Variants in RUNX2 observed in about 807,000 individuals in gnomAD.
The protein encoded by RUNX2 is RUNX family transcription factor 2.
RUNX2 carries 10 observed loss-of-function variants against 51.7 expected under a neutral mutation model. The observed-to-expected ratio is 0.19, with a 90% confidence interval of 0.12 to 0.33. The LOEUF (loss-of-function observed/expected upper bound fraction) is 0.33. RUNX2 is among the 10% of genes least tolerant of loss of function. The pLI is 1.00. For synonymous variants in RUNX2, 276 were observed against 273.6 expected (o/e 1.01, Z -0.09); for missense variants, 562 against 691.3 (o/e 0.81, Z 2.10).
intron 7 of RUNX2, among the ~76,000 whole-genome samples, chr6:45,520,966 T>G (rs1801489671): frequency 6.6e-6 from 1 of 152,318 alleles, no homozygotes; most frequent in South Asian, 2.1e-4. Context: ...TCCACCCGCC[T>G]CGGCCTCCCA....
chr6:45,485,716 T>TATATATATATATACAC (rs1554394671), intron 5 of RUNX2, among the ~76,000 whole-genome samples: 15 of 126,516 alleles, frequency 1.2e-4, no homozygotes, highest in East Asian at 4.3e-4. Flanking sequence ...TATATATATA[T>TATATATATATATACAC]ACACATATTT....
At chr6:45,497,019 G>A (rs554140365) in intron 6 of RUNX2, among the ~76,000 whole-genome samples, 114 of 152,258 alleles carry the variant, frequency 7.5e-4, no homozygotes, top group Middle Eastern at 3.4e-3. Context: ...GAAGACTCAG[G>A]GAGGATAAGG....
At chr6:45,360,785 A>G (rs537277033) in intron 2 of RUNX2, among the ~76,000 whole-genome samples, 8 of 152,306 alleles carry the variant, frequency 5.3e-5, no homozygotes, top group African/African-American at 1.7e-4. Flanking sequence ...CACTTAACAG[A>G]CATTCCAGGA....
chr6:45,367,952 T>C (rs987142391), intron 2 of RUNX2, among the ~76,000 whole-genome samples: 1 of 152,200 alleles, frequency 6.6e-6, no homozygotes, highest in Non-Finnish European at 1.5e-5. Context: ...TTGATTTAGA[T>C]AATTAACTTC....
In RUNX2 at chr6:45,452,895, G is replaced by T. The variant is rs1799214693; in HGVS notation, c.685+14844G>T. Among the ~76,000 whole-genome samples the T allele has an allele frequency of 2.0e-5, 3 of 152,278 alleles. No homozygotes were observed. The South Asian group carries it at 6.2e-4, about 32-fold the overall frequency. On this transcript the variant is annotated intron_variant, in intron 5 of 8. Coordinates refer to ENST00000647337, the MANE Select transcript of RUNX2 (RefSeq NM_001024630.4). Reference sequence around the variant, plus strand: ...CCTCCCAAAATAACTTGGGCTCCATGGCTCATTAAGAACATTTAGACCCTT... The same window carrying T: ...CCTCCCAAAATAACTTGGGCTCCATTGCTCATTAAGAACATTTAGACCCTT...
chr6:45,446,488 T>G (rs1424563388), intron 5 of RUNX2, among the ~76,000 whole-genome samples: 1 of 150,092 alleles, frequency 6.7e-6, no homozygotes, highest in African/African-American at 2.5e-5. Flanking sequence ...CCTCCCCCCC[T>G]TTTTTTGTCT....
At chr6:45,429,865 G>A (rs1237940928) in intron 3 of RUNX2, among the ~76,000 whole-genome samples, 11 of 152,012 alleles carry the variant, frequency 7.2e-5, no homozygotes, top group African/African-American at 2.2e-4. Context: ...AGGCTGAGGC[G>A]GGCGGATCAC....
At chr6:45,352,056 C>T (rs1792168560) in intron 2 of RUNX2, among the ~76,000 whole-genome samples, 1 of 152,138 alleles carries the variant, frequency 6.6e-6, no homozygotes. Context: ...GTCTTGCCTG[C>T]TTCCTTAAAA....
At chr6:45,408,917 G>A (rs895917599) in intron 2 of RUNX2, among the ~76,000 whole-genome samples, 9 of 152,162 alleles carry the variant, frequency 5.9e-5, no homozygotes, top group Admixed American at 2.0e-4. Flanking sequence ...TTGTAAATGA[G>A]AAGTCAGTTT....
At chr6:45,412,212 C>T (rs534460280) in intron 2 of RUNX2, among the ~76,000 whole-genome samples, 5 of 150,416 alleles carry the variant, frequency 3.3e-5, no homozygotes, top group East Asian at 1.9e-4. Flanking sequence ...AAAAATTAGC[C>T]GGGCATGGTA....
At chr6:45,333,232 C>A (rs961116671) in intron 2 of RUNX2, among the ~76,000 whole-genome samples, 11 of 151,428 alleles carry the variant, frequency 7.3e-5, no homozygotes, top group Non-Finnish European at 3.0e-5. Context: ...TAATGTGTTA[C>A]GATTCAAAAA....
At chr6:45,462,025 G>T (rs984073393) in intron 5 of RUNX2, among the ~76,000 whole-genome samples, 3 of 152,002 alleles carry the variant, frequency 2.0e-5, no homozygotes, top group African/African-American at 7.3e-5. Flanking sequence ...AGCCATTCGT[G>T]TGACCCTCAT....
intron 2 of RUNX2, among the ~76,000 whole-genome samples, chr6:45,331,696 G>A (rs758004995): frequency 6.6e-6 from 1 of 151,844 alleles, no homozygotes; most frequent in African/African-American, 2.4e-5. Context: ...ACACTGAAAA[G>A]AAATTGTGGA....
rs147205881 is a variant in RUNX2 at position 45,437,526 on chromosome 6, CAAT to C, written c.581-420_581-418del. On this transcript the variant is annotated intron_variant, in intron 4 of 8. Transcript: ENST00000647337. ...TATGTGAAGTAAATAACATAATCAA[CAAT>C]GATTTACTATTGTTCTCTCGTGAGG... 1.8e-4 allele frequency among the ~76,000 whole-genome samples: 27 copies of C among 152,228 alleles called. No homozygotes were observed. The East Asian group carries it at 5.2e-3, about 29-fold the overall frequency.
intron 6 of RUNX2, among the ~76,000 whole-genome samples, chr6:45,497,987 C>T (rs549773342): frequency 3.3e-5 from 5 of 152,230 alleles, no homozygotes; most frequent in East Asian, 1.9e-4. Flanking sequence ...TTAACTCATA[C>T]GTTCCTCACA....
At chr6:45,443,123 T>G (rs1274778133) in intron 5 of RUNX2, among the ~76,000 whole-genome samples, 3 of 128,826 alleles carry the variant, frequency 2.3e-5, no homozygotes, top group Non-Finnish European at 4.7e-5. Context: ...CATAGCTAAC[T>G]CCAACCTCAA....
chr6:45,502,662 A>G (rs1168912057), intron 6 of RUNX2, among the ~76,000 whole-genome samples: 1 of 151,862 alleles, frequency 6.6e-6, no homozygotes. Context: ...CCTGGACTCC[A>G]CCCCTGTGTC....
chr6:45,413,568 T>G (rs1217647235), intron 2 of RUNX2, among the ~76,000 whole-genome samples: 13 of 151,202 alleles, frequency 8.6e-5, no homozygotes, highest in Non-Finnish European at 2.9e-5. Context: ...GTAGCTGGGA[T>G]TACAGGTACA....
At position 45,547,278 on chromosome 6, in the gene RUNX2, G is replaced by A; in HGVS notation, c.1539G>A (p.Met513Ile). 6.2e-7 allele frequency: 1 copy of A among 1,614,114 alleles called. No individual in the cohort carries two copies. The highest frequency in any genetic ancestry group is 1.3e-5 in the African/African-American group (1 of 75,048). The change falls in exon 9 of 9, where the codon ATG (methionine) becomes ATA (isoleucine). Residue 513 changes from methionine (M) to isoleucine (I), a missense_variant. Physicochemically the swap from Met to Ile is conservative, Grantham distance 10. Coordinates refer to ENST00000647337, the MANE Select transcript of RUNX2 (RefSeq NM_001024630.4). The stretch of plus-strand genomic sequence containing the variant: ...CTGTTTTGAATTCTAGTGGCAGAAT[G>A]GATGAATCTGTTTGGCGACCATATT... The part of the protein sequence containing the change: ...SPTVLNSSGR[M>I]DESVWRPY
Sources: gnomAD v4.1 joint callset for allele counts (sites outside exome capture counted in the v4.1 genomes callset) on GRCh38, gnomAD v4.1.1 for gene constraint, MANE v1.5 for transcripts, NCBI Gene and HGNC (gene_info 2026-07-23, HGNC 2026-07-21) for gene names.